SPAG16: variants seen among roughly 807,000 people sequenced by gnomAD.
SPAG16 encodes sperm associated antigen 16.
SPAG16 carries 86 observed loss-of-function variants against 80.4 expected under a neutral mutation model. The observed-to-expected ratio is 1.07, with a 90% confidence interval of 0.90 to 1.28. The LOEUF (loss-of-function observed/expected upper bound fraction) is 1.28, where lower values mean the gene tolerates loss of function less well. SPAG16 is among the 50% of genes most tolerant of loss of function. The pLI, the probability that SPAG16 is intolerant of heterozygous loss-of-function variation, is 0.00. For missense variants in SPAG16, 870 were observed against 765.3 expected (o/e 1.14, Z -1.61); for synonymous variants, 294 against 265.9 (o/e 1.11, Z -1.03).
intron 15 of SPAG16, among the ~76,000 whole-genome samples, chr2:214,186,177 C>T (rs912336953): frequency 5.1e-4 from 77 of 152,304 alleles, no homozygotes; most frequent in African/African-American, 1.8e-3. Context: ...CTGACACCTT[C>T]ACCCTACCAC....
Position 214,095,904 on chromosome 2 carries a change from T to A in SPAG16, c.1528-12292T>A, listed in dbSNP as rs539028524. Among the ~76,000 whole-genome samples, 62 of 152,024 alleles carry A rather than the reference T, an allele frequency of 4.1e-4. No individual in the cohort carries two copies. The South Asian group carries it at 6.0e-3, about 15-fold the overall frequency. ...CAGAAACCTTGGAAAAATGACTGTT[T>A]CTATGGGGGAAAATAAAACCCTATT... On this transcript the variant is annotated intron_variant, in intron 13 of 15. Transcript: ENST00000331683.
At chr2:213,404,124 C>T (rs1270094858) in intron 9 of SPAG16, among the ~76,000 whole-genome samples, 1 of 152,010 alleles carries the variant, frequency 6.6e-6, no homozygotes, top group Admixed American at 6.5e-5. Flanking sequence ...TGAAAATGGC[C>T]ATACTGCCCA....
intron 10 of SPAG16, among the ~76,000 whole-genome samples, chr2:213,779,224 A>T (rs2069791735): frequency 6.6e-6 from 1 of 151,972 alleles, no homozygotes; most frequent in African/African-American, 2.4e-5. Context: ...GATGTCCTTT[A>T]TTGAGTTCTT....
intron 11 of SPAG16, among the ~76,000 whole-genome samples, chr2:213,877,111 C>A (rs760177060): frequency 6.6e-6 from 1 of 152,030 alleles, no homozygotes. Context: ...ACCTCAGTGC[C>A]TTTAACATGT....
At chr2:214,090,071 C>T (rs934208790) in intron 13 of SPAG16, among the ~76,000 whole-genome samples, 1 of 151,692 alleles carries the variant, frequency 6.6e-6, no homozygotes, top group African/African-American at 2.4e-5. Context: ...TATCTATACA[C>T]AGGAATAAGC....
Position 213,957,285 on chromosome 2 carries a change from A to G in SPAG16, c.1400+27140A>G, listed in dbSNP as rs73072940. Among the ~76,000 whole-genome samples, 658 of 152,290 alleles carry G rather than the reference A, an allele frequency of 4.3e-3. 5 individuals are homozygous for G. Among genetic ancestry groups the G allele is most frequent in the African/African-American group, 0.015 (634 of 41,582 alleles). On this transcript the variant is annotated intron_variant, in intron 12 of 15. Coordinates refer to ENST00000331683, the MANE Select transcript of SPAG16 (RefSeq NM_024532.5). ...TTTGTTAGTTTTTGCTGGTCAGACC[A>G]TTGATGGTCTGTTATTCATTGTGTA...
intron 10 of SPAG16, among the ~76,000 whole-genome samples, chr2:213,809,360 G>C (rs1362105590): frequency 6.6e-6 from 1 of 152,088 alleles, no homozygotes; most frequent in Admixed American, 6.6e-5. Context: ...GGTATGTACT[G>C]TAAGTTGGAA....
chr2:213,602,817 T>C (rs2061116652), intron 10 of SPAG16, among the ~76,000 whole-genome samples: 1 of 152,244 alleles, frequency 6.6e-6, no homozygotes, highest in Admixed American at 6.5e-5. Flanking sequence ...TTGAATAAAA[T>C]CTTTGATCTC....
At chr2:214,273,085 G>A (rs1199585629) in intron 15 of SPAG16, among the ~76,000 whole-genome samples, 3 of 152,182 alleles carry the variant, frequency 2.0e-5, no homozygotes, top group African/African-American at 4.8e-5. Context: ...CTGCATAAAT[G>A]TCTTCTTTTG....
At chr2:213,443,441 G>A (rs893500874) in intron 9 of SPAG16, among the ~76,000 whole-genome samples, 2 of 152,106 alleles carry the variant, frequency 1.3e-5, no homozygotes, top group Admixed American at 1.3e-4. Flanking sequence ...ATTTCAGTTA[G>A]TGTAGTGTCC....
intron 10 of SPAG16, among the ~76,000 whole-genome samples, chr2:213,650,510 T>C (rs2062981744): frequency 6.6e-6 from 1 of 152,220 alleles, no homozygotes. Flanking sequence ...CTACTATTAA[T>C]GCATTGTGTG....
At chr2:214,074,382 C>T (rs560853331) in intron 13 of SPAG16, among the ~76,000 whole-genome samples, 1 of 152,164 alleles carries the variant, frequency 6.6e-6, no homozygotes, top group South Asian at 2.1e-4. Context: ...TTGCTCCAAA[C>T]TTATACAATA....
intron 10 of SPAG16, among the ~76,000 whole-genome samples, chr2:213,692,474 A>G (rs2064981554): frequency 6.6e-6 from 1 of 152,198 alleles, no homozygotes; most frequent in Admixed American, 6.5e-5. Flanking sequence ...GAACAGCTCA[A>G]ACTGCTTTCT....
chr2:213,354,057 C>G (rs192417979), intron 7 of SPAG16, among the ~76,000 whole-genome samples: 6 of 152,174 alleles, frequency 3.9e-5, no homozygotes, highest in African/African-American at 1.4e-4. Context: ...CATGATAGGC[C>G]CTGGTGTGTG....
intron 12 of SPAG16, among the ~76,000 whole-genome samples, chr2:213,969,036 A>G (rs1322060152): frequency 2.0e-5 from 3 of 152,202 alleles, no homozygotes; most frequent in Non-Finnish European, 4.4e-5. Context: ...ACTTGAGTAA[A>G]CAAATGGCAT....
At chr2:214,315,155 G>A (rs1174833449) in intron 15 of SPAG16, among the ~76,000 whole-genome samples, 1 of 152,126 alleles carries the variant, frequency 6.6e-6, no homozygotes, top group African/African-American at 2.4e-5. Context: ...GGAGCATTAG[G>A]GGTGGAGCAG....
intron 12 of SPAG16, among the ~76,000 whole-genome samples, chr2:214,002,938 G>A (rs2046860078): frequency 6.6e-6 from 1 of 152,102 alleles, no homozygotes; most frequent in African/African-American, 2.4e-5. Context: ...TGGTCAAGTT[G>A]ACACATAAAA....
chr2:214,224,506 G>T (rs1044626102), intron 15 of SPAG16, among the ~76,000 whole-genome samples: 2 of 152,032 alleles, frequency 1.3e-5, no homozygotes, highest in Non-Finnish European at 2.9e-5. Context: ...GTTTGAAAAA[G>T]CTTTGCAACC....
intron 15 of SPAG16, among the ~76,000 whole-genome samples, chr2:214,247,581 AAG>A (rs1235591437): frequency 6.6e-6 from 1 of 152,206 alleles, no homozygotes; most frequent in Non-Finnish European, 1.5e-5. Flanking sequence ...TACTTTGGTT[AAG>A]AAGATAAAAG....
Sources: allele counts gnomAD v4.1 joint callset (sites outside exome capture counted in the v4.1 genomes callset), GRCh38; gene constraint gnomAD v4.1.1; transcripts MANE v1.5; gene names NCBI Gene and HGNC (gene_info 2026-07-23, HGNC 2026-07-21).